MCTP2: variants seen among roughly 807,000 people sequenced by gnomAD.
MCTP2 encodes multiple C2 and transmembrane domain-containing protein 2.
A neutral mutation model predicts 111.6 loss-of-function variants in MCTP2; 132 were observed. The ratio of observed to expected loss-of-function variants is 1.18; its 90% confidence interval spans 1.03 to 1.37. MCTP2 has a LOEUF of 1.37. Among genes scored for constraint, MCTP2 ranks in the 40% most tolerant of loss-of-function variants. The pLI, the probability that MCTP2 is intolerant of heterozygous loss-of-function variation, is 0.00. For missense variants in MCTP2, 1,183 were observed against 1,067.9 expected, an observed-to-expected ratio of 1.11 and a Z score of -1.50; for synonymous variants, 395 against 387.7, an observed-to-expected ratio of 1.02 and a Z score of -0.22.
intron 4 of MCTP2, among the ~76,000 whole-genome samples, chr15:94,337,730 A>T (rs2077437607): frequency 6.8e-6 from 1 of 146,564 alleles, no homozygotes; most frequent in Non-Finnish European, 1.5e-5. Flanking sequence ...TAAAATAAAG[A>T]CTGATGGGCT....
At chr15:94,447,482 C>G (rs1170583957) in intron 19 of MCTP2, among the ~76,000 whole-genome samples, 1 of 152,154 alleles carries the variant, frequency 6.6e-6, no homozygotes, top group Non-Finnish European at 1.5e-5. Flanking sequence ...GCAATCTCTG[C>G]CTCCCAAGTT....
chr15:94,435,096 T>C (rs2083399074), intron 17 of MCTP2, among the ~76,000 whole-genome samples: 1 of 152,112 alleles, frequency 6.6e-6, no homozygotes. Context: ...AACTCTTGAC[T>C]TCAGGTGATC....
chr15:94,467,907 T>TAACA (rs2073533603), intron 20 of MCTP2, among the ~76,000 whole-genome samples: 1 of 152,066 alleles, frequency 6.6e-6, no homozygotes, highest in Non-Finnish European at 1.5e-5. Flanking sequence ...AAATTCAGAA[T>TAACA]AACAAAGATA....
At chr15:94,296,059 T>C (rs1273214331) in intron 1 of MCTP2, among the ~76,000 whole-genome samples, 4 of 152,214 alleles carry the variant, frequency 2.6e-5, no homozygotes, top group African/African-American at 9.6e-5. Context: ...GAGTTTCTCA[T>C]AGTACCTGTC....
chr15:94,442,966 T>C lies in MCTP2; in HGVS notation c.2250+6T>C. The C allele has an allele frequency of 6.2e-7, 1 of 1,612,818 alleles. No homozygotes were observed. Among genetic ancestry groups the C allele is most frequent in the Non-Finnish European group, 8.5e-7 (1 of 1,179,428 alleles). ...AGGAGGATGAAGATGACAAGGTGCG[T>C]ATGTTCAAGAAAGAACACACACAAA... On this transcript the variant is annotated splice_donor_region_variant and intron_variant, in intron 19 of 22. Transcript: ENST00000357742.
chr15:94,341,385 C>T (rs972990718), intron 7 of MCTP2: 1 of 153,126 alleles, frequency 6.5e-6, no homozygotes, highest in African/African-American at 2.4e-5. Flanking sequence ...AATGTGGATA[C>T]AAATCATAAT....
At chr15:94,443,289 A>G (rs1476020756) in intron 19 of MCTP2, among the ~76,000 whole-genome samples, 1 of 152,096 alleles carries the variant, frequency 6.6e-6, no homozygotes, top group African/African-American at 2.4e-5. Flanking sequence ...ATCAAGTGAA[A>G]TTGCTGCTGC....
chr15:94,361,944 G>A (rs748512353), intron 10 of MCTP2, among the ~76,000 whole-genome samples: 11 of 152,112 alleles, frequency 7.2e-5, no homozygotes, highest in South Asian at 2.1e-4. Context: ...GACCTGCCCC[G>A]TAGGCCCCTC....
intron 8 of MCTP2, among the ~76,000 whole-genome samples, chr15:94,353,221 G>A (rs572898055): frequency 1.3e-5 from 2 of 152,268 alleles, no homozygotes; most frequent in South Asian, 2.1e-4. Context: ...ATGGAAAGTG[G>A]ATATTTCCCA....
At chr15:94,385,326 C>A in intron 13 of MCTP2, 97 bp from the exon 14 acceptor site, 1 of 794,578 alleles carries the variant, frequency 1.3e-6, no homozygotes, top group Non-Finnish European at 2.2e-6. Context: ...ACTCTAAGGA[C>A]ATACAGACTT....
chr15:94,404,847 C>T (rs901688267), intron 17 of MCTP2, among the ~76,000 whole-genome samples: 3 of 152,144 alleles, frequency 2.0e-5, no homozygotes, highest in African/African-American at 7.2e-5. Context: ...CAAGCCCAGG[C>T]TCTCCTCTGC....
chr15:94,256,876 G>T (rs938893545), intron 1 of MCTP2, among the ~76,000 whole-genome samples: 3 of 152,038 alleles, frequency 2.0e-5, no homozygotes, highest in Non-Finnish European at 4.4e-5. Flanking sequence ...CCTTGGACTC[G>T]TCCTGCGTGG....
At chr15:94,392,491 T>A (rs2081042631) in intron 14 of MCTP2, among the ~76,000 whole-genome samples, 1 of 151,794 alleles carries the variant, frequency 6.6e-6, no homozygotes, top group Non-Finnish European at 1.5e-5. Flanking sequence ...AATTGTCAAA[T>A]GATATATATT....
intron 13 of MCTP2, 113 bp from the exon 14 acceptor site, chr15:94,385,310 G>A (rs949805465): frequency 4.3e-6 from 3 of 694,588 alleles, no homozygotes; most frequent in South Asian, 3.7e-5. Flanking sequence ...TAAATGGTAG[G>A]TTTATACTCT....
At chr15:94,242,790 A>G (rs1448060693) in intron 1 of MCTP2, among the ~76,000 whole-genome samples, 1 of 151,390 alleles carries the variant, frequency 6.6e-6, no homozygotes, top group Admixed American at 6.6e-5. Flanking sequence ...ACATGCACAT[A>G]TCCTATTGGC....
At chr15:94,244,496 A>G (rs1286223316) in intron 1 of MCTP2, among the ~76,000 whole-genome samples, 3 of 147,606 alleles carry the variant, frequency 2.0e-5, no homozygotes, top group East Asian at 4.0e-4. Context: ...ACGTATATGT[A>G]TACACATACA....
At chr15:94,296,141 C>A (rs2152331675) in intron 1 of MCTP2, among the ~76,000 whole-genome samples, 1 of 152,258 alleles carries the variant, frequency 6.6e-6, no homozygotes, top group Middle Eastern at 3.4e-3. Context: ...CCCAGGTCTC[C>A]ATAGAGTGCT....
At chr15:94,319,795 TA>T in intron 4 of MCTP2, among the ~76,000 whole-genome samples, 1 of 152,364 alleles carries the variant, frequency 6.6e-6, no homozygotes, top group East Asian at 1.9e-4. Flanking sequence ...TTAACCCAAT[TA>T]AAACAGGTTT....
intron 4 of MCTP2, among the ~76,000 whole-genome samples, chr15:94,325,671 ACT>A (rs34986567): frequency 0.41 from 61,964 of 151,626 alleles, 13,872 homozygotes; most frequent in East Asian, 0.6. Context: ...TTGAATAAAG[ACT>A]CTGTCGTGGA....
Sources: allele counts gnomAD v4.1 joint callset (sites outside exome capture counted in the v4.1 genomes callset), GRCh38; gene constraint gnomAD v4.1.1; transcripts MANE v1.5; gene names NCBI Gene and HGNC (gene_info 2026-07-23, HGNC 2026-07-21).